The following AHI1 variants were observed in gnomAD, a reference collection of about 807,000 sequenced individuals.
AHI1 encodes the protein jouberin.
In AHI1, 123 loss-of-function variants were observed where a neutral mutation model predicts 149.3. The ratio of observed to expected loss-of-function variants is 0.82; its 90% confidence interval spans 0.71 to 0.96. AHI1 has a LOEUF of 0.96. Ranked by LOEUF, AHI1 falls within the 40% of genes least tolerant of loss-of-function variation. The pLI is 0.00. For missense variants in AHI1, 1,439 were observed against 1,422.7 expected (o/e 1.01, Z -0.18); for synonymous variants, 475 against 459.8 (o/e 1.03, Z -0.42).
chr6:135,291,236 C>T (rs1782317766), intron 27 of AHI1, among the ~76,000 whole-genome samples: 1 of 152,192 alleles, frequency 6.6e-6, no homozygotes, highest in Admixed American at 6.5e-5. Context: ...GAAAAAGATA[C>T]AAGAATTTCA....
At chr6:135,401,622 C>T (rs1056786567) in intron 22 of AHI1, among the ~76,000 whole-genome samples, 1 of 152,172 alleles carries the variant, frequency 6.6e-6, no homozygotes, top group Non-Finnish European at 1.5e-5. Flanking sequence ...AGTGCTGAGA[C>T]AACTGGATAG....
At chr6:135,336,112 TAAAAA>T in intron 24 of AHI1, among the ~76,000 whole-genome samples, 2 of 76,506 alleles carry the variant, frequency 2.6e-5, no homozygotes, top group Middle Eastern at 0.017. Flanking sequence ...AAACTCCGTC[TAAAAA>T]AAAAAAAAAA....
intron 5 of AHI1, among the ~76,000 whole-genome samples, chr6:135,481,769 A>G (rs1194136232): frequency 1.4e-5 from 2 of 146,516 alleles, no homozygotes; most frequent in African/African-American, 5.0e-5. Context: ...GCTTTTGTGC[A>G]CCTCAAAAAG....
rs530132043 is a variant in AHI1, at chr6:135,322,776, G to C, written c.3328+386C>G. The stretch of plus-strand genomic sequence containing the variant: ...ACCAGATAGGACTGAGGTATACAAA[G>C]TAAAAGAATGCAGTTGGGGAACTAG... On this transcript the variant is annotated intron_variant, in intron 25 of 28. Transcript: ENST00000265602. Among the ~76,000 whole-genome samples, 4 of 152,178 alleles carry C rather than the reference G, an allele frequency of 2.6e-5. No homozygotes were observed. In the South Asian group the frequency reaches 8.3e-4, roughly 32 times the overall value.
At chr6:135,362,678 T>G (rs928575441) in intron 23 of AHI1, among the ~76,000 whole-genome samples, 1 of 152,334 alleles carries the variant, frequency 6.6e-6, no homozygotes, top group Middle Eastern at 3.4e-3. Flanking sequence ...CAACTGTCAA[T>G]TGTCTATGCA....
In AHI1 at chr6:135,318,599, G is replaced by A. The variant is rs1162154639; in HGVS notation, c.3346C>T (p.Pro1116Ser). ...GGGGATCGCTCCTTTATCTCAGGAG[G>A]CAGTTCTTGATACAGTGCTGAAATT... ...VASETLYQEL[P>S]PEIKERSPPL... The change falls in exon 26 of 29, where the codon CCT (proline) becomes TCT (serine). Residue 1116 changes from proline to serine, a missense_variant. Physicochemically the swap from Pro to Ser is moderately conservative, Grantham distance 74. Transcript: ENST00000265602. The A allele has an allele frequency of 1.2e-6, 2 of 1,603,326 alleles. No individual in the cohort carries two copies. The highest frequency in any genetic ancestry group is 1.7e-6 in the Non-Finnish European group (2 of 1,174,712).
At chr6:135,460,140 G>A (rs1383692881) in intron 8 of AHI1, among the ~76,000 whole-genome samples, 2 of 152,174 alleles carry the variant, frequency 1.3e-5, no homozygotes, top group South Asian at 2.1e-4. Flanking sequence ...CTGAGATCAC[G>A]CCACTGCACT....
In AHI1 at chr6:135,290,913, AAC is replaced by A. The variant is rs574033007; in HGVS notation, c.3486-390_3486-389del. ...ATCAACTTAGGTGGAAACACACACA[AAC>A]ACACACACACACACACACACACACA... On this transcript the variant is annotated intron_variant, in intron 27 of 28. Coordinates refer to ENST00000265602, the MANE Select transcript of AHI1 (RefSeq NM_001134831.2). Among the ~76,000 whole-genome samples the A allele has an allele frequency of 3.6e-3, 528 of 145,738 alleles. 1 individual carries two copies. Among genetic ancestry groups the A allele is most frequent in the Non-Finnish European group, 5.8e-3 (384 of 65,890 alleles).
At chr6:135,454,665 C>T (rs1343165555) in intron 10 of AHI1, among the ~76,000 whole-genome samples, 1 of 152,164 alleles carries the variant, frequency 6.6e-6, no homozygotes, top group Non-Finnish European at 1.5e-5. Context: ...TAACATATTA[C>T]ATTAAAACTT....
At chr6:135,410,937 G>C (rs1322938197) in intron 21 of AHI1, among the ~76,000 whole-genome samples, 5 of 152,178 alleles carry the variant, frequency 3.3e-5, no homozygotes, top group Admixed American at 6.5e-5. Flanking sequence ...CTGCCTGTCT[G>C]GTTCAAGTGA....
intron 26 of AHI1, among the ~76,000 whole-genome samples, chr6:135,313,439 C>T (rs1785492552): frequency 6.6e-6 from 1 of 152,140 alleles, no homozygotes; most frequent in Non-Finnish European, 1.5e-5. Context: ...TATCCTCTGC[C>T]ACTCCTTTAC....
intron 24 of AHI1, among the ~76,000 whole-genome samples, chr6:135,336,468 C>T (rs1279417114): frequency 1.3e-5 from 2 of 151,948 alleles, no homozygotes; most frequent in Non-Finnish European, 2.9e-5. Flanking sequence ...CATGGTGATG[C>T]ATGCCTGTAG....
chr6:135,383,169 T>A (rs34001687), intron 23 of AHI1, among the ~76,000 whole-genome samples: 1 of 145,852 alleles, frequency 6.9e-6, no homozygotes, highest in Admixed American at 6.9e-5. Flanking sequence ...ACTGTAATAG[T>A]GAAGAACTAA....
In AHI1 at chr6:135,411,551, A is replaced by C. The variant is rs558638679; in HGVS notation, c.2765-7T>G. On this transcript the variant is annotated splice_polypyrimidine_tract_variant and splice_region_variant and intron_variant, in intron 20 of 28. Transcript: ENST00000265602. Reference sequence around the variant, plus strand: ...TCAGCCTCCTGCTGGGCAACTGAAGAAATGAATCCATAATTAGTTAAATCA... The same window carrying C: ...TCAGCCTCCTGCTGGGCAACTGAAGCAATGAATCCATAATTAGTTAAATCA... 2 of 1,554,026 alleles carry C rather than the reference A, an allele frequency of 1.3e-6. No individual in the cohort carries two copies. The highest frequency in any genetic ancestry group is 4.5e-5 in the East Asian group (2 of 44,072).
intron 11 of AHI1, among the ~76,000 whole-genome samples, chr6:135,450,807 T>G (rs577746515): frequency 2.6e-5 from 4 of 152,282 alleles, no homozygotes; most frequent in Non-Finnish European, 5.9e-5. Context: ...AAGGCTTTAT[T>G]ACTTTTTAGT....
At chr6:135,300,010 G>T (rs1783650530) in intron 27 of AHI1, among the ~76,000 whole-genome samples, 2 of 152,018 alleles carry the variant, frequency 1.3e-5, no homozygotes, top group Admixed American at 1.3e-4. Flanking sequence ...CACATTCTCA[G>T]AGTCCAACTA....
Position 135,411,457 on chromosome 6 carries a change from G to A in AHI1, c.2852C>T (p.Thr951Ile), listed in dbSNP as rs1562703260. ...GCCTTGATGGGGTAGTTTTGGACAG[G>A]TACATAGGGCATCTTGACTTTGGTG... ...GIHQSQDALC[T>I]CPKLPHQGSF... Residue 951 changes from threonine to isoleucine, a missense_variant, in exon 21 of 29, where the codon ACC becomes ATC. Thr to Ile is a moderately conservative substitution (Grantham distance 89, BLOSUM62 -1). Transcript: ENST00000265602. 6.2e-7 allele frequency: 1 copy of A among 1,613,620 alleles called. No individual in the cohort carries two copies. Among genetic ancestry groups the A allele is most frequent in the Non-Finnish European group, 8.5e-7 (1 of 1,179,656 alleles).
intron 5 of AHI1, among the ~76,000 whole-genome samples, chr6:135,484,326 A>T (rs1794162464): frequency 6.6e-6 from 1 of 152,154 alleles, no homozygotes; most frequent in Non-Finnish European, 1.5e-5. Flanking sequence ...TTCTACCAGC[A>T]TTCTACCAAA....
rs754871738 is a variant in AHI1 at position 135,463,257 on chromosome 6, ATTCT to A, written c.795_798del (p.Lys265AsnfsTer17). On this transcript the variant is annotated frameshift_variant, in exon 8 of 29. Transcript: ENST00000265602. LOFTEE classifies it high-confidence loss of function. ...TCTGAAGAAACTGATCTAACTGAAG[ATTCT>A]TTCTTTTGTTCACCTTCAACTGTGT... 1.2e-6 allele frequency: 2 copies of A among 1,610,738 alleles called. No individual in the cohort carries two copies. Among genetic ancestry groups the A allele is most frequent in the Non-Finnish European group, 1.7e-6 (2 of 1,179,360 alleles).
Sources: gnomAD v4.1 joint callset for allele counts (sites outside exome capture counted in the v4.1 genomes callset) on GRCh38, gnomAD v4.1.1 for gene constraint, MANE v1.5 for transcripts, NCBI Gene and HGNC (gene_info 2026-07-23, HGNC 2026-07-21) for gene names.